ATP6V0D2: variants seen among roughly 807,000 people sequenced by gnomAD.
ATP6V0D2 encodes ATPase H+ transporting V0 subunit d2.
ATP6V0D2 carries 40 observed loss-of-function variants against 40.0 expected under a neutral mutation model. The ratio of observed to expected loss-of-function variants is 1.00; its 90% confidence interval spans 0.78 to 1.30. The LOEUF (loss-of-function observed/expected upper bound fraction) is 1.30, where lower values mean the gene tolerates loss of function less well. Among genes scored for constraint, ATP6V0D2 ranks in the 50% most tolerant of loss-of-function variants. ATP6V0D2 has a pLI of 0.00. For missense variants in ATP6V0D2, 470 were observed against 423.1 expected, an observed-to-expected ratio of 1.11 and a Z score of -0.97; for synonymous variants, 179 against 156.3, an observed-to-expected ratio of 1.15 and a Z score of -1.08.
At chr8:86,102,797 C>G (rs565531597) in intron 1 of ATP6V0D2, among the ~76,000 whole-genome samples, 1 of 152,066 alleles carries the variant, frequency 6.6e-6, no homozygotes, top group Non-Finnish European at 1.5e-5. Flanking sequence ...TTCCTAGGTA[C>G]AGAAGAAGGA....
intron 1 of ATP6V0D2, among the ~76,000 whole-genome samples, chr8:86,106,294 G>A (rs1818470243): frequency 6.6e-6 from 1 of 151,850 alleles, no homozygotes. Flanking sequence ...CACCAAGCCT[G>A]GCTAACTTTT....
chr8:86,138,038 C>T (rs755537910), intron 2 of ATP6V0D2, among the ~76,000 whole-genome samples: 1 of 152,182 alleles, frequency 6.6e-6, no homozygotes, highest in Non-Finnish European at 1.5e-5. Flanking sequence ...TCAGTATCCT[C>T]CGTTGCCCTT....
chr8:86,141,235 A>G (rs1387142744), intron 3 of ATP6V0D2, among the ~76,000 whole-genome samples: 2 of 151,994 alleles, frequency 1.3e-5, no homozygotes, highest in Non-Finnish European at 2.9e-5. Flanking sequence ...GGGGTTGGGG[A>G]CCCCTGGTTT....
chr8:86,132,684 T>C (rs900217715), intron 2 of ATP6V0D2, among the ~76,000 whole-genome samples: 15 of 152,350 alleles, frequency 9.8e-5, no homozygotes, highest in Admixed American at 6.5e-4. Flanking sequence ...AGAATAGTAT[T>C]CTATTGTGTA....
intron 2 of ATP6V0D2, among the ~76,000 whole-genome samples, chr8:86,122,876 G>A (rs1055115088): frequency 6.6e-5 from 10 of 152,194 alleles, no homozygotes; most frequent in African/African-American, 1.9e-4. Flanking sequence ...ACATGAGTAG[G>A]GAGAACAGAG....
chr8:86,110,168 C>T (rs1413742225), intron 1 of ATP6V0D2, among the ~76,000 whole-genome samples: 1 of 152,214 alleles, frequency 6.6e-6, no homozygotes, highest in Non-Finnish European at 1.5e-5. Context: ...ATTCTCAGCT[C>T]ACTGCAACTT....
chr8:86,100,379 A>G (rs1818380109), intron 1 of ATP6V0D2, among the ~76,000 whole-genome samples: 1 of 152,240 alleles, frequency 6.6e-6, no homozygotes, highest in Admixed American at 6.5e-5. Flanking sequence ...GCAAGAAAGC[A>G]CTAAGAATAA....
chr8:86,150,429 G>C, intron 6 of ATP6V0D2, 141 bp downstream of exon 6: 1 of 878,324 alleles, frequency 1.1e-6, no homozygotes, highest in Admixed American at 2.8e-5. Flanking sequence ...TCTTGCTGAA[G>C]CAATCTCTCC....
In ATP6V0D2 at chr8:86,139,699, C is replaced by T. The variant is rs1269037489; in HGVS notation, c.481+64C>T. 1.7e-5 allele frequency: 25 copies of T among 1,462,282 alleles called. 1 individual carries two copies. In the South Asian group the frequency reaches 3.6e-4, roughly 21 times the overall value. 90.6% of individuals were successfully genotyped at this position (1,462,282 alleles called of 1,614,324 possible). A position where few individuals can be genotyped will look rare whatever the true frequency, so the allele number is the denominator to read the frequency against. On this transcript the variant is annotated intron_variant, in intron 3 of 7. Transcript: ENST00000285393. ...GTTATCACAGTCATTAGAAAATGTA[C>T]TATTTTTTTCTTCCCTGTGGTCCAA...
At chr8:86,112,264 A>G (rs1818536011) in intron 1 of ATP6V0D2, among the ~76,000 whole-genome samples, 1 of 152,208 alleles carries the variant, frequency 6.6e-6, no homozygotes. Flanking sequence ...ATTCAGATGC[A>G]TGAGAGTGAA....
At chr8:86,109,514 G>A (rs952870093) in intron 1 of ATP6V0D2, among the ~76,000 whole-genome samples, 15 of 152,092 alleles carry the variant, frequency 9.9e-5, no homozygotes, top group Admixed American at 7.9e-4. Flanking sequence ...TTCCTACAGG[G>A]TATGAAACAC....
At chr8:86,117,830 T>C (rs1389740113) in intron 2 of ATP6V0D2, among the ~76,000 whole-genome samples, 1 of 152,064 alleles carries the variant, frequency 6.6e-6, no homozygotes, top group African/African-American at 2.4e-5. Flanking sequence ...GGTTGTTCCA[T>C]GCGTGAGGAA....
intron 2 of ATP6V0D2, among the ~76,000 whole-genome samples, chr8:86,138,999 G>A (rs758764220): frequency 2.2e-4 from 34 of 152,138 alleles, no homozygotes; most frequent in Non-Finnish European, 4.0e-4. Context: ...AGGCCAAGGC[G>A]GGCAGATCAC....
At chr8:86,151,374 G>T in intron 6 of ATP6V0D2, 92 bp from the exon 7 acceptor site, 1 of 903,536 alleles carries the variant, frequency 1.1e-6, no homozygotes, top group South Asian at 2.0e-5. Context: ...TTTTTAAATA[G>T]GTACACAATT....
intron 2 of ATP6V0D2, among the ~76,000 whole-genome samples, chr8:86,127,584 C>G (rs936999552): frequency 3.9e-5 from 6 of 152,022 alleles, no homozygotes; most frequent in Non-Finnish European, 8.8e-5. Flanking sequence ...CCACCACACC[C>G]AGCTAATTTC....
chr8:86,099,171 C>T, intron 1 of ATP6V0D2, 63 bp downstream of exon 1: 2 of 1,484,934 alleles, frequency 1.3e-6, no homozygotes, highest in Non-Finnish European at 1.8e-6. Flanking sequence ...TGTCCCTCTC[C>T]AGAAGCATGG....
At chr8:86,152,502 A>G (rs1220646851) in intron 7 of ATP6V0D2, among the ~76,000 whole-genome samples, 2 of 152,328 alleles carry the variant, frequency 1.3e-5, no homozygotes, top group East Asian at 3.9e-4. Context: ...TTGCCACACT[A>G]TCTTCCACAA....
intron 1 of ATP6V0D2, among the ~76,000 whole-genome samples, chr8:86,106,972 G>A (rs928808564): frequency 2.6e-5 from 4 of 151,854 alleles, no homozygotes; most frequent in Non-Finnish European, 4.4e-5. Context: ...GGAGTTCAAG[G>A]TTGCAGTGAG....
At chr8:86,125,802 C>G (rs1208151650) in intron 2 of ATP6V0D2, among the ~76,000 whole-genome samples, 2 of 151,830 alleles carry the variant, frequency 1.3e-5, no homozygotes, top group Non-Finnish European at 2.9e-5. Context: ...TGTTTTAGAA[C>G]AGTGAGATCA....
Sources: gnomAD v4.1 joint callset for allele counts (sites outside exome capture counted in the v4.1 genomes callset) on GRCh38, gnomAD v4.1.1 for gene constraint, MANE v1.5 for transcripts, NCBI Gene and HGNC (gene_info 2026-07-23, HGNC 2026-07-21) for gene names.